The following DLC1 variants were observed in gnomAD, a reference collection of about 807,000 sequenced individuals.
DLC1 encodes rho GTPase-activating protein 7.
In DLC1, 54 loss-of-function variants were observed where a neutral mutation model predicts 140.3. The ratio of observed to expected loss-of-function variants is 0.38; its 90% CI spans 0.31 to 0.48. The LOEUF is 0.48. DLC1 is among the 20% of genes least tolerant of loss of function. The pLI is 0.96. For missense variants in DLC1, 2,536 were observed against 1,907.0 expected, an observed-to-expected ratio of 1.33 and a Z score of -6.14; for synonymous variants, 986 against 728.1, an observed-to-expected ratio of 1.35 and a Z score of -5.70.
chr8:13,219,327 TA>T (rs1369403021), intron 5 of DLC1, among the ~76,000 whole-genome samples: 7 of 143,012 alleles, frequency 4.9e-5, no homozygotes, highest in African/African-American at 1.5e-4. Context: ...GTTATATTCA[TA>T]TAATTATAAT....
rs1488150571 is a variant in DLC1, at chr8:13,491,078, ATATACATATTCAAATTTAATATTTTT to A, written c.1023+7945_1023+7970del. Among the ~76,000 whole-genome samples, 3 of 148,058 alleles carry A rather than the reference ATATACATATTCAAATTTAATATTTTT, an allele frequency of 2.0e-5. No individual in the cohort carries two copies. The East Asian group carries it at 5.8e-4, about 29-fold the overall frequency. On this transcript the variant is annotated intron_variant, in intron 2 of 17. Transcript: ENST00000276297. ...TGAGTGAGGGCAATTAAATCTGAAT[ATATACATATTCAAATTTAATATTTTT>A]TATATATATATTCAGATTTAATATT...
At chr8:13,100,848 C>T (rs540004295) in intron 8 of DLC1, 78 bp from the exon 9 acceptor site, 2 of 1,400,990 alleles carry the variant, frequency 1.4e-6, no homozygotes, top group Admixed American at 2.7e-5. Context: ...GGAGGCTGCT[C>T]ATAATATGCC....
intron 2 of DLC1, among the ~76,000 whole-genome samples, chr8:13,449,213 G>A (rs1286817821): frequency 6.6e-6 from 1 of 152,122 alleles, no homozygotes; most frequent in Non-Finnish European, 1.5e-5. Flanking sequence ...TATATTGTTG[G>A]ACTTGAGTAA....
chr8:13,359,143 G>A (rs1439892340), intron 4 of DLC1, among the ~76,000 whole-genome samples: 5 of 152,134 alleles, frequency 3.3e-5, no homozygotes, highest in African/African-American at 1.2e-4. Context: ...GTTTCACCGT[G>A]TTAGCCAGGA....
chr8:13,430,763 A>T (rs1032253191), intron 2 of DLC1, among the ~76,000 whole-genome samples: 6 of 152,206 alleles, frequency 3.9e-5, no homozygotes, highest in Non-Finnish European at 8.8e-5. Context: ...TTCTAAATCT[A>T]AAAGCAAAAT....
At chr8:13,230,043 G>A (rs1828974150) in intron 5 of DLC1, among the ~76,000 whole-genome samples, 1 of 152,184 alleles carries the variant, frequency 6.6e-6, no homozygotes, top group Non-Finnish European at 1.5e-5. Flanking sequence ...GGTAGCTGCA[G>A]GCTCATAAAG....
chr8:13,347,921 C>G (rs182054953), intron 4 of DLC1, among the ~76,000 whole-genome samples: 7 of 152,166 alleles, frequency 4.6e-5, no homozygotes, highest in African/African-American at 1.7e-4. Flanking sequence ...AACCCCATCT[C>G]TACTAAAAAT....
chr8:13,434,042 GT>G (rs1203660172), intron 2 of DLC1, among the ~76,000 whole-genome samples: 2 of 152,038 alleles, frequency 1.3e-5, no homozygotes, highest in Non-Finnish European at 2.9e-5. Flanking sequence ...GTTTTGTTTT[GT>G]TTTTGGTCTT....
intron 4 of DLC1, among the ~76,000 whole-genome samples, chr8:13,374,471 C>T (rs905560319): frequency 2.0e-5 from 3 of 151,970 alleles, no homozygotes; most frequent in Non-Finnish European, 4.4e-5. Flanking sequence ...GGGAAGGGGG[C>T]CAAAATTATC....
intron 4 of DLC1, among the ~76,000 whole-genome samples, chr8:13,310,131 C>T (rs536674135): frequency 6.6e-6 from 1 of 152,272 alleles, no homozygotes; most frequent in South Asian, 2.1e-4. Flanking sequence ...TGTAAGTTCT[C>T]CTATGTTCCA....
At chr8:13,268,376 G>A (rs1432668663) in intron 5 of DLC1, among the ~76,000 whole-genome samples, 1 of 152,034 alleles carries the variant, frequency 6.6e-6, no homozygotes, top group Non-Finnish European at 1.5e-5. Context: ...GTGCAGTGGC[G>A]CGATCTCGGC....
At chr8:13,390,161 T>C (rs145117605) in intron 4 of DLC1, among the ~76,000 whole-genome samples, 7 of 152,266 alleles carry the variant, frequency 4.6e-5, no homozygotes, top group Admixed American at 1.3e-4. Flanking sequence ...TTTTGAACTG[T>C]AGTGAAAAGG....
intron 4 of DLC1, among the ~76,000 whole-genome samples, chr8:13,351,203 C>G (rs574512492): frequency 2.6e-5 from 4 of 152,252 alleles, no homozygotes; most frequent in African/African-American, 7.2e-5. Context: ...AAGCACAGTC[C>G]TAAGTGCTTT....
chr8:13,433,738 T>A (rs1427190227), intron 2 of DLC1, among the ~76,000 whole-genome samples: 6 of 152,228 alleles, frequency 3.9e-5, no homozygotes, highest in South Asian at 2.1e-4. Flanking sequence ...ATCTCTCTTT[T>A]GGGAACACAT....
At chr8:13,385,250 A>C (rs770209308) in intron 4 of DLC1, among the ~76,000 whole-genome samples, 5 of 152,228 alleles carry the variant, frequency 3.3e-5, no homozygotes, top group African/African-American at 1.2e-4. Flanking sequence ...AAAATGAATA[A>C]AGAAAACAAC....
At chr8:13,088,453 C>T (rs1047875946) in intron 16 of DLC1, 34 bp downstream of exon 16, 1 of 1,609,340 alleles carries the variant, frequency 6.2e-7, no homozygotes. Flanking sequence ...ATGGAGTCAT[C>T]CTTGTCACAA....
intron 5 of DLC1, among the ~76,000 whole-genome samples, chr8:13,195,417 T>C (rs532435622): frequency 6.6e-6 from 1 of 152,310 alleles, no homozygotes; most frequent in Admixed American, 6.5e-5. Flanking sequence ...TATAAATAAA[T>C]AGCTCCTGCC....
In DLC1 at chr8:13,217,113, C is replaced by T. The variant is rs540444449; in HGVS notation, c.1348+88156G>A. On this transcript the variant is annotated intron_variant, in intron 5 of 17. Transcript: ENST00000276297. ...CTGGTTAATTTTGAGTTGTACAGTA[C>T]AGTAAATAAAAACCTAAGTTCTAAA... Among the ~76,000 whole-genome samples the T allele has an allele frequency of 2.0e-5, 3 of 152,232 alleles. No homozygotes were observed. The East Asian group carries it at 5.8e-4, about 29-fold the overall frequency.
At position 13,499,056 on chromosome 8, in the gene DLC1, T is replaced by G. The variant is rs1327292319; in HGVS notation, c.1016A>C (p.Lys339Thr). 6.2e-7 allele frequency: 1 copy of G among 1,608,896 alleles called. No homozygotes were observed. Among genetic ancestry groups the G allele is most frequent in the Admixed American group, 1.7e-5 (1 of 59,156 alleles). The stretch of plus-strand genomic sequence containing the variant: ...TCTGTGCATATGTCTTACCTTTCTC[T>G]TACGAAGTCTGACTTGGTTATCTGT... ...EPTDNQVRLR[K>T]RKEIREDRDR... The change falls in exon 2 of 18, where the codon AAG becomes ACG. Residue 339 changes from lysine to threonine, a missense_variant. By Grantham distance (78) the Lys-to-Thr change is moderately conservative. Coordinates refer to ENST00000276297, the MANE Select transcript of DLC1 (RefSeq NM_182643.3).
Sources: gnomAD v4.1 joint callset for allele counts (sites outside exome capture counted in the v4.1 genomes callset) on GRCh38, gnomAD v4.1.1 for gene constraint, MANE v1.5 for transcripts, NCBI Gene and HGNC (gene_info 2026-07-23, HGNC 2026-07-21) for gene names.